DDI2: variants seen among roughly 807,000 people sequenced by gnomAD.
DDI2 encodes DDI proteasomal shuttling factor 2.
In DDI2, 5 loss-of-function variants were observed where a neutral mutation model predicts 48.1. That is an observed-to-expected ratio of 0.10 (90% CI 0.05 to 0.22). DDI2 has a LOEUF of 0.22. Ranked by LOEUF, DDI2 falls within the 10% of genes least tolerant of loss-of-function variation. The probability of loss-of-function intolerance (pLI) is 1.00; values close to 1 mark genes in which losing one functional copy is unlikely to be tolerated. For synonymous variants in DDI2, 205 were observed against 183.6 expected (o/e 1.12, Z -0.94); for missense variants, 285 against 506.2 (o/e 0.56, Z 4.19).
chr1:15,658,500 T>TG lies in DDI2; in HGVS notation c.*47-1336dup, dbSNP rs1044496010. On this transcript the variant is annotated intron_variant, in intron 9 of 9. Coordinates refer to ENST00000480945, the MANE Select transcript of DDI2 (RefSeq NM_032341.5). ...TACAATGGTCGGGTGCGGTGGCTCT[T>TG]GCCTGTAATCCAAGCACTTTGGGAG... 1.3e-4 allele frequency among the ~76,000 whole-genome samples: 19 copies of TG among 151,442 alleles called. No homozygotes were observed. In the East Asian group the frequency reaches 3.4e-3, roughly 27 times the overall value.
chr1:15,621,305 C>G (rs937790382), intron 1 of DDI2, among the ~76,000 whole-genome samples: 3 of 152,114 alleles, frequency 2.0e-5, no homozygotes, highest in African/African-American at 7.2e-5. Context: ...CAAGGACCCT[C>G]AAATGAAAGG....
At chr1:15,625,451 T>C (rs918344555) in intron 1 of DDI2, among the ~76,000 whole-genome samples, 3 of 152,234 alleles carry the variant, frequency 2.0e-5, no homozygotes, top group African/African-American at 4.8e-5. Flanking sequence ...AAAATTATAG[T>C]GTACCTTTGT....
chr1:15,667,220 T>TAAA lies in DDI2; in HGVS notation c.*7430_*7431insAAA, dbSNP rs1640467313. The TAAA allele has an allele frequency of 1.2e-4, 18 of 150,932 alleles. No individual in the cohort carries two copies. In the Middle Eastern group the frequency reaches 0.027, roughly 228 times the overall value. The allele number at this position is 150,932 out of a possible 1,614,324, so 9.3% of individuals were successfully genotyped here. The stretch of plus-strand genomic sequence containing the variant: ...ACACCGTCTCAAAAAAAAAAAAAAT[T>TAAA]TTTTTTTAAATGGAATCAGAGAAAC... On this transcript the variant is annotated 3_prime_UTR_variant, in exon 10 of 10. Coordinates refer to ENST00000480945, the MANE Select transcript of DDI2 (RefSeq NM_032341.5).
chr1:15,647,440 C>T (rs1023943961), intron 6 of DDI2, among the ~76,000 whole-genome samples: 2 of 152,006 alleles, frequency 1.3e-5, no homozygotes, highest in African/African-American at 2.4e-5. Flanking sequence ...TGAGCTGCTG[C>T]GCCTGGCTGG....
Position 15,661,325 on chromosome 1 carries a change from G to T in DDI2, c.*1535G>T. 1 of 1,614,012 alleles carries T rather than the reference G, an allele frequency of 6.2e-7. No individual in the cohort carries two copies. The highest frequency in any genetic ancestry group is 8.5e-7 in the Non-Finnish European group (1 of 1,179,958). On this transcript the variant is annotated 3_prime_UTR_variant, in exon 10 of 10. Coordinates refer to ENST00000480945, the MANE Select transcript of DDI2 (RefSeq NM_032341.5). ...GCTAAAACATCCAATCAGTTACACT[G>T]CACCTTAGGTGTAGAAATTTCACCC...
At chr1:15,634,703 T>G (rs1384199495) in intron 4 of DDI2, among the ~76,000 whole-genome samples, 1 of 151,790 alleles carries the variant, frequency 6.6e-6, no homozygotes, top group Admixed American at 6.6e-5. Context: ...AGCTAATTTT[T>G]TCATTTTTTG....
chr1:15,657,499 T>C (rs1189300784), intron 9 of DDI2, among the ~76,000 whole-genome samples: 1 of 152,248 alleles, frequency 6.6e-6, no homozygotes, highest in Non-Finnish European at 1.5e-5. Flanking sequence ...CCTGTCATTC[T>C]GTAAACTGAC....
chr1:15,623,600 G>T (rs570743516), intron 1 of DDI2, among the ~76,000 whole-genome samples: 1 of 128,732 alleles, frequency 7.8e-6, no homozygotes, highest in African/African-American at 3.6e-5. Context: ...ATGGGGTCTT[G>T]CTGTATTGCC....
intron 6 of DDI2, among the ~76,000 whole-genome samples, chr1:15,649,270 A>G (rs1640142097): frequency 6.6e-6 from 1 of 152,178 alleles, no homozygotes; most frequent in Admixed American, 6.5e-5. Context: ...AGGTTTAGGC[A>G]GAGAATCAGA....
In DDI2 at chr1:15,661,077, G is replaced by A; in HGVS notation, c.*1287G>A. ...TTTCTGAAAGATGGACCCAAAATGA[G>A]CATCTTACCCAGAATGAACAGTGTC... On this transcript the variant is annotated 3_prime_UTR_variant, in exon 10 of 10. Coordinates refer to ENST00000480945, the MANE Select transcript of DDI2 (RefSeq NM_032341.5). 6.2e-7 allele frequency: 1 copy of A among 1,614,124 alleles called. No individual in the cohort carries two copies. The highest frequency in any genetic ancestry group is 1.1e-5 in the South Asian group (1 of 91,066).
chr1:15,641,974 A>AAG (rs1212368440), intron 5 of DDI2, among the ~76,000 whole-genome samples: 12 of 143,452 alleles, frequency 8.4e-5, no homozygotes, highest in Non-Finnish European at 1.7e-4. Context: ...AAAAAAAAAA[A>AAG]AAGGAGAAGA....
chr1:15,621,175 C>T (rs1456614864), intron 1 of DDI2, among the ~76,000 whole-genome samples: 2 of 152,062 alleles, frequency 1.3e-5, no homozygotes, highest in African/African-American at 4.8e-5. Flanking sequence ...TGCAGACTTG[C>T]CTGGGTGAAC....
chr1:15,633,359 TA>T (rs1639877316), intron 3 of DDI2, 79 bp from the exon 4 acceptor site: 2 of 1,518,068 alleles, frequency 1.3e-6, no homozygotes, highest in South Asian at 1.2e-5. Flanking sequence ...TGTAGTTTGA[TA>T]AATTGTTTGG....
At chr1:15,619,139 G>C (rs1395577416) in intron 1 of DDI2, among the ~76,000 whole-genome samples, 2 of 152,042 alleles carry the variant, frequency 1.3e-5, no homozygotes, top group African/African-American at 2.4e-5. Context: ...TTTTGTTTTT[G>C]AGACGGAGTC....
At chr1:15,642,997 G>A (rs563530780) in intron 5 of DDI2, among the ~76,000 whole-genome samples, 1 of 152,324 alleles carries the variant, frequency 6.6e-6, no homozygotes, top group East Asian at 1.9e-4. Flanking sequence ...AACCCGGGAG[G>A]TGGAGCTTGT....
intron 7 of DDI2, among the ~76,000 whole-genome samples, chr1:15,651,172 C>T (rs996321746): frequency 1.3e-5 from 2 of 151,814 alleles, no homozygotes; most frequent in Non-Finnish European, 2.9e-5. Context: ...CTAAATAGAA[C>T]GAATGAATGA....
In DDI2 at chr1:15,630,493, C is replaced by T. The variant is rs746213909; in HGVS notation, c.437C>T (p.Pro146Leu). The change falls in exon 3 of 10, where the codon CCG becomes CTG. Residue 146 changes from proline to leucine, a missense_variant. Coordinates refer to ENST00000480945, the MANE Select transcript of DDI2 (RefSeq NM_032341.5). ...ALLRDMLLAN[P>L]HELSLLKERN... ...CTCCGAGATATGTTGCTGGCCAACC[C>T]GCATGAGCTGTCCTTGCTGAAGGAA... is the stretch of plus-strand genomic sequence containing the variant. 1.2e-6 allele frequency: 2 copies of T among 1,614,082 alleles called. No individual in the cohort carries two copies. Among genetic ancestry groups the T allele is most frequent in the African/African-American group, 1.3e-5 (1 of 74,928 alleles).
At chr1:15,643,736 T>C (rs1019334323) in intron 6 of DDI2, 86 bp downstream of exon 6, 2 of 1,526,968 alleles carry the variant, frequency 1.3e-6, no homozygotes, top group Non-Finnish European at 1.8e-6. Flanking sequence ...AGAGGGTCTT[T>C]TGTTGTTATT....
At chr1:15,649,500 G>A (rs140599120) in intron 6 of DDI2, among the ~76,000 whole-genome samples, 8 of 152,142 alleles carry the variant, frequency 5.3e-5, no homozygotes, top group African/African-American at 1.9e-4. Flanking sequence ...GCAAAACCCC[G>A]TCTCTACTAA....
Sources: allele counts gnomAD v4.1 joint callset (sites outside exome capture counted in the v4.1 genomes callset), GRCh38; gene constraint gnomAD v4.1.1; transcripts MANE v1.5; gene names NCBI Gene and HGNC (gene_info 2026-07-23, HGNC 2026-07-21).